KAZN: variants seen among roughly 807,000 people sequenced by gnomAD.
KAZN encodes kazrin.
KAZN carries 40 observed loss-of-function variants against 87.4 expected under a neutral mutation model. That is an observed-to-expected ratio of 0.46 (90% CI 0.36 to 0.60). The LOEUF is 0.60. Among genes scored for constraint, KAZN ranks in the 20% least tolerant of loss-of-function variants. KAZN has a pLI of 0.00. For synonymous variants in KAZN, 466 were observed against 458.3 expected, an observed-to-expected ratio of 1.02 and a Z score of -0.22; for missense variants, 898 against 1,073.9, an observed-to-expected ratio of 0.84 and a Z score of 2.29.
In KAZN at chr1:13,935,898, G is replaced by A. The variant is rs867252166; in HGVS notation, c.91+42142G>A. ...TGTGTGTGTGTGTGTGTGTGTGTGT[G>A]TGTAGAATCAGATAAATTATTTAAT... On this transcript the variant is annotated intron_variant, in intron 1 of 16. Coordinates refer to the KAZN transcript ENST00000636203. Among the ~76,000 whole-genome samples, 7 of 125,086 alleles carry A rather than the reference G, an allele frequency of 5.6e-5. No individual in the cohort carries two copies. In the South Asian group the frequency reaches 1.1e-3, roughly 20 times the overall value. 82.1% of individuals were successfully genotyped at this position (125,086 alleles called of 152,430 possible).
At position 14,669,898 on chromosome 1, in the gene KAZN, T is replaced by C. The variant is rs186087633; in HGVS notation, c.226+70675T>C. 3.1e-3 allele frequency among the ~76,000 whole-genome samples: 469 copies of C among 151,900 alleles called. 1 individual carries two copies. The highest frequency in any genetic ancestry group is 0.011 in the African/African-American group (451 of 41,420). ...AGAATTAATGAACAACTGACCAACTTTTCCTGGGTACCGCCAATCTATCAG... is the reference window on the plus strand; with the variant it reads ...AGAATTAATGAACAACTGACCAACTCTTCCTGGGTACCGCCAATCTATCAG... On this transcript the variant is annotated intron_variant, in intron 1 of 14. Transcript: ENST00000376030.
chr1:14,337,292 G>A (rs992291432), intron 2 of KAZN, among the ~76,000 whole-genome samples: 14 of 150,056 alleles, frequency 9.3e-5, no homozygotes, highest in African/African-American at 3.4e-4. Context: ...TAGATCATCT[G>A]TGGAGGGAAG....
At chr1:14,774,824 T>G (rs1645129573) in intron 1 of KAZN, among the ~76,000 whole-genome samples, 1 of 152,088 alleles carries the variant, frequency 6.6e-6, no homozygotes. Flanking sequence ...ATCCTGTAAG[T>G]CAGGACCTGC....
intron 1 of KAZN, among the ~76,000 whole-genome samples, chr1:14,887,756 T>C (rs1305571169): frequency 6.6e-6 from 1 of 151,624 alleles, no homozygotes; most frequent in African/African-American, 2.4e-5. Context: ...TTCCTTGCTC[T>C]CGGTAATGAG....
At chr1:13,945,754 TC>T (rs573530952) in intron 1 of KAZN, among the ~76,000 whole-genome samples, 12 of 151,036 alleles carry the variant, frequency 7.9e-5, no homozygotes, top group South Asian at 6.3e-4. Context: ...TAAACCTAAG[TC>T]TTTAGTACAT....
At chr1:14,062,342 T>G (rs1332965899) in intron 1 of KAZN, among the ~76,000 whole-genome samples, 2 of 152,208 alleles carry the variant, frequency 1.3e-5, no homozygotes, top group African/African-American at 4.8e-5. Context: ...AAAGGCTTAA[T>G]AAGGAGAATC....
intron 2 of KAZN, among the ~76,000 whole-genome samples, chr1:14,437,869 G>T (rs544910545): frequency 1.3e-5 from 2 of 152,202 alleles, no homozygotes; most frequent in South Asian, 4.2e-4. Context: ...AAGAAAATGA[G>T]AAAGAAAAAG....
At chr1:14,072,076 G>A (rs1482392523) in intron 1 of KAZN, among the ~76,000 whole-genome samples, 1 of 152,178 alleles carries the variant, frequency 6.6e-6, no homozygotes, top group Non-Finnish European at 1.5e-5. Context: ...ACTTAAGGCA[G>A]TAATTTGATC....
intron 1 of KAZN, among the ~76,000 whole-genome samples, chr1:14,019,211 A>G (rs1021657958): frequency 6.6e-6 from 1 of 152,204 alleles, no homozygotes; most frequent in Non-Finnish European, 1.5e-5. Flanking sequence ...GAAAAACACC[A>G]TATACCCCAG....
intron 1 of KAZN, among the ~76,000 whole-genome samples, chr1:14,142,900 G>A (rs939831814): frequency 1.3e-5 from 2 of 152,174 alleles, no homozygotes; most frequent in East Asian, 3.9e-4. Flanking sequence ...TGGTGAGATG[G>A]GCCCAACTGT....
intron 1 of KAZN, among the ~76,000 whole-genome samples, chr1:14,696,485 A>T (rs1262230379): frequency 1.3e-5 from 2 of 152,168 alleles, no homozygotes; most frequent in African/African-American, 2.4e-5. Context: ...GTCATGGAGG[A>T]TCTTTGCCCA....
At chr1:15,030,954 T>C (rs1002636572) in intron 2 of KAZN, among the ~76,000 whole-genome samples, 4 of 152,260 alleles carry the variant, frequency 2.6e-5, no homozygotes, top group African/African-American at 4.8e-5. Flanking sequence ...CCAGCTGGCC[T>C]GCCTTCCACC....
At chr1:14,212,427 C>T (rs1404882837) in intron 2 of KAZN, among the ~76,000 whole-genome samples, 1 of 148,248 alleles carries the variant, frequency 6.7e-6, no homozygotes, top group Admixed American at 6.7e-5. Context: ...GAAAGCCTTT[C>T]AAAAAGACGA....
chr1:14,650,032 CTTTTTTTTTTT>C (rs34399319), intron 1 of KAZN, among the ~76,000 whole-genome samples: 5 of 88,336 alleles, frequency 5.7e-5, no homozygotes, highest in East Asian at 3.7e-4. Flanking sequence ...CTCCACCCAT[CTTTTTTTTTTT>C]TTTTTTTTTT....
At chr1:14,299,661 C>G (rs1654391323) in intron 2 of KAZN, among the ~76,000 whole-genome samples, 1 of 152,214 alleles carries the variant, frequency 6.6e-6, no homozygotes, top group East Asian at 1.9e-4. Context: ...CACTGGGCTA[C>G]AGATCACACT....
intron 2 of KAZN, among the ~76,000 whole-genome samples, chr1:14,503,274 G>A (rs1357045888): frequency 1.4e-5 from 2 of 143,954 alleles, no homozygotes; most frequent in African/African-American, 5.3e-5. Flanking sequence ...ACAAGGTCAG[G>A]AGATCGAGAG....
intron 1 of KAZN, among the ~76,000 whole-genome samples, chr1:14,852,397 G>A (rs988635753): frequency 6.6e-6 from 1 of 152,230 alleles, no homozygotes. Context: ...GCCATGCGGC[G>A]ATCAGACGGT....
chr1:14,598,040 G>C (rs1055947621), upstream of KAZN, among the ~76,000 whole-genome samples: 5 of 152,200 alleles, frequency 3.3e-5, no homozygotes. This position sits in a 1 kb window ranked among gnomAD's most constrained non-coding sequence, Gnocchi z 4.2. Context: ...TATTCAGCCC[G>C]GCTAAGAAGC....
At chr1:14,968,710 G>A (rs768363976) in intron 2 of KAZN, among the ~76,000 whole-genome samples, 7 of 152,218 alleles carry the variant, frequency 4.6e-5, no homozygotes, top group Non-Finnish European at 7.3e-5. Flanking sequence ...CTTACTGGAA[G>A]GACTAAGGCC....
Sources: gnomAD v4.1 joint callset for allele counts (sites outside exome capture counted in the v4.1 genomes callset) on GRCh38, gnomAD v4.1.1 for gene constraint, Gnocchi (gnomAD v3.1) non-coding constraint, MANE v1.5 for transcripts, NCBI Gene and HGNC (gene_info 2026-07-23, HGNC 2026-07-21) for gene names.